ATR: variants seen among roughly 807,000 people sequenced by gnomAD.
ATR encodes serine/threonine-protein kinase ATR.
ATR carries 142 observed loss-of-function variants against 305.3 expected under a neutral mutation model. The observed-to-expected ratio is 0.47, with a 90% CI of 0.41 to 0.53. The LOEUF (loss-of-function observed/expected upper bound fraction) is 0.53, where lower values mean the gene tolerates loss of function less well. Ranked by LOEUF, ATR falls within the 20% of genes least tolerant of loss-of-function variation. The probability of loss-of-function intolerance (pLI) is 0.00; values close to 1 mark genes in which losing one functional copy is unlikely to be tolerated. For missense variants in ATR, 2,135 were observed against 3,133.1 expected, an observed-to-expected ratio of 0.68 and a Z score of 7.60; for synonymous variants, 1,050 against 1,068.1, an observed-to-expected ratio of 0.98 and a Z score of 0.33.
In ATR at chr3:142,562,309, A is replaced by C; in HGVS notation, c.1093T>G (p.Leu365Val). 6.2e-7 allele frequency: 1 copy of C among 1,614,122 alleles called. No homozygotes were observed. Residue 365 changes from leucine to valine, a missense_variant, in exon 4 of 47, where the codon TTA (leucine) becomes GTA (valine). Physicochemically the swap from Leu to Val is conservative, Grantham distance 32 (BLOSUM62 1). This residue lies in a region of ATR where 744 missense variants were observed against 873.2 expected (regional missense o/e 0.85). Coordinates refer to ENST00000350721, the MANE Select transcript of ATR (RefSeq NM_001184.4). ...CTCACATAGACCTTCCTGACTTGTA[A>C]AGCAGATTCATACCCAGCTGGCACA... The part of the protein sequence containing the change: ...KFVPAGYESA[L>V]QVRKVYVRNI...
chr3:142,549,000 T>A (rs1044807230), intron 15 of ATR, among the ~76,000 whole-genome samples: 1 of 152,166 alleles, frequency 6.6e-6, no homozygotes, highest in Non-Finnish European at 1.5e-5. Flanking sequence ...AGTTTCATAT[T>A]CCTCAGAGAT....
chr3:142,454,437 C>CTTTTTTT (rs760823609), intron 45 of ATR, among the ~76,000 whole-genome samples: 3 of 101,470 alleles, frequency 3.0e-5, no homozygotes, highest in Admixed American at 1.1e-4. Flanking sequence ...TGATAGACAG[C>CTTTTTTT]TTTTTTTTTT....
chr3:142,550,264 T>G lies in ATR; in HGVS notation c.2844A>C (p.Ala948=), dbSNP rs147286949. ...VESLHSSQMT[A]LPNTPCQNAD... ...CATTCTGGCATGGAGTATTCGGAAG[T>G]GCTGTCATCTGACTAGAGTGAAGGG... The change falls in exon 14 of 47, where the codon GCA becomes GCC. Residue 948 remains alanine (A), a synonymous_variant. Coordinates refer to ENST00000350721, the MANE Select transcript of ATR (RefSeq NM_001184.4). The G allele has an allele frequency of 2.2e-3, 3,603 of 1,614,212 alleles. 6 individuals carry two copies. Among genetic ancestry groups the G allele is most frequent in the Non-Finnish European group, 2.8e-3 (3,269 of 1,180,022 alleles).
chr3:142,508,923 C>CA (rs11453887), intron 27 of ATR, among the ~76,000 whole-genome samples: 97,541 of 118,138 alleles, frequency 0.83, 40,315 homozygotes, highest in East Asian at 0.96. Flanking sequence ...GACTCCGTAT[C>CA]AAAAAAAAAA....
intron 25 of ATR, 81 bp downstream of exon 25, chr3:142,515,314 G>C (rs1252316125): frequency 8.5e-6 from 13 of 1,530,736 alleles, no homozygotes; most frequent in Non-Finnish European, 1.1e-5. Flanking sequence ...AATGATTATT[G>C]TGTGTGCTAG....
chr3:142,576,992 C>T (rs777002717), intron 1 of ATR, among the ~76,000 whole-genome samples: 2 of 152,248 alleles, frequency 1.3e-5, no homozygotes, highest in Middle Eastern at 3.4e-3. Context: ...TGAAACCTAG[C>T]TCTGTTATCT....
chr3:142,515,874 C>T (rs76398314), intron 24 of ATR, among the ~76,000 whole-genome samples: 10,448 of 152,222 alleles, frequency 0.069, 880 homozygotes, highest in African/African-American at 0.2. Context: ...CTTTAGAACA[C>T]TGCTCAGGGT....
chr3:142,494,194 C>T (rs373407415), intron 34 of ATR, among the ~76,000 whole-genome samples: 1 of 151,964 alleles, frequency 6.6e-6, no homozygotes, highest in Non-Finnish European at 1.5e-5. Flanking sequence ...AGAGGATGTC[C>T]GCAGGTTATA....
intron 36 of ATR, among the ~76,000 whole-genome samples, chr3:142,484,398 C>T (rs2030768504): frequency 1.3e-5 from 2 of 152,142 alleles, no homozygotes; most frequent in Non-Finnish European, 2.9e-5. Context: ...GAGAGGTGAA[C>T]ACGTGGAGGC....
intron 30 of ATR, among the ~76,000 whole-genome samples, chr3:142,501,138 C>G (rs1403199024): frequency 2.6e-5 from 4 of 152,174 alleles, no homozygotes; most frequent in Non-Finnish European, 5.9e-5. Context: ...TTCACCATGA[C>G]ACAGCACCCC....
In ATR at chr3:142,520,643, A is replaced by G. The variant is rs545542350; in HGVS notation, c.4267-859T>C. 1.9e-3 allele frequency among the ~76,000 whole-genome samples: 295 copies of G among 152,270 alleles called. 1 individual carries two copies. The highest frequency in any genetic ancestry group is 6.4e-3 in the African/African-American group (264 of 41,566). Reference sequence around the variant, plus strand: ...AAAAGCCCTAGTTCTCTCCAATTCTATGAAATCTGAGAGAGGAGAATAAGT... The same window carrying G: ...AAAAGCCCTAGTTCTCTCCAATTCTGTGAAATCTGAGAGAGGAGAATAAGT... On this transcript the variant is annotated intron_variant, in intron 23 of 46. Transcript: ENST00000350721.
At chr3:142,503,267 T>G in intron 30 of ATR, 95 bp downstream of exon 30, 1 of 881,646 alleles carries the variant, frequency 1.1e-6, no homozygotes, top group Non-Finnish European at 1.8e-6. Flanking sequence ...ATAAAACATT[T>G]ATTACTCTAC....
intron 16 of ATR, among the ~76,000 whole-genome samples, chr3:142,545,036 A>C (rs1354161314): frequency 2.0e-5 from 3 of 152,156 alleles, no homozygotes; most frequent in African/African-American, 7.2e-5. Context: ...TCCAATATTA[A>C]AGTTCTTGCA....
chr3:142,547,489 A>C (rs967771896), intron 16 of ATR, among the ~76,000 whole-genome samples: 21 of 152,228 alleles, frequency 1.4e-4, no homozygotes, highest in Non-Finnish European at 2.8e-4. Context: ...ATATGTAAAT[A>C]TGTAAACAAA....
chr3:142,555,544 T>G (rs35404216), intron 10 of ATR, among the ~76,000 whole-genome samples: 2,725 of 152,260 alleles, frequency 0.018, 29 homozygotes, highest in South Asian at 0.041. Context: ...GGTCCAAGGT[T>G]GTAACAGGGG....
At chr3:142,510,581 T>A (rs1397933702) in intron 27 of ATR, among the ~76,000 whole-genome samples, 1 of 152,218 alleles carries the variant, frequency 6.6e-6, no homozygotes, top group Non-Finnish European at 1.5e-5. Flanking sequence ...CCAGGAAATT[T>A]CAGAAAAATA....
chr3:142,525,305 T>A (rs957149848), intron 21 of ATR, among the ~76,000 whole-genome samples: 10 of 152,212 alleles, frequency 6.6e-5, no homozygotes, highest in Non-Finnish European at 1.0e-4. Flanking sequence ...GGCTACAAAG[T>A]ATATTAATGT....
intron 36 of ATR, among the ~76,000 whole-genome samples, chr3:142,477,143 T>C (rs975186399): frequency 1.1e-4 from 16 of 151,958 alleles, no homozygotes; most frequent in Admixed American, 5.2e-4. Context: ...TGAATAGGAG[T>C]GGTGAGAGAG....
intron 21 of ATR, among the ~76,000 whole-genome samples, chr3:142,532,974 T>C (rs148681830): frequency 1.3e-4 from 20 of 152,254 alleles, no homozygotes; most frequent in African/African-American, 4.8e-4. Flanking sequence ...CACTGTCCAA[T>C]ACAATAGCTA....
Sources: allele counts gnomAD v4.1 joint callset (sites outside exome capture counted in the v4.1 genomes callset), GRCh38; gene constraint gnomAD v4.1.1; regional missense constraint gnomAD v4.1.1; transcripts MANE v1.5; gene names NCBI Gene and HGNC (gene_info 2026-07-23, HGNC 2026-07-21).